The following MTMR7 variants were observed in gnomAD, a reference collection of about 807,000 sequenced individuals.
MTMR7 encodes myotubularin related protein 7.
In MTMR7, 76 loss-of-function variants were observed where a neutral mutation model predicts 81.2. The observed-to-expected ratio is 0.94, with a 90% CI of 0.78 to 1.13. The LOEUF is 1.13. MTMR7 is among the 50% of genes most tolerant of loss of function. MTMR7 has a pLI of 0.00. For synonymous variants in MTMR7, 372 were observed against 289.8 expected, an observed-to-expected ratio of 1.28 and a Z score of -2.88; for missense variants, 1,044 against 820.0, an observed-to-expected ratio of 1.27 and a Z score of -3.34.
At chr8:17,386,116 T>C (rs969144584) in intron 1 of MTMR7, among the ~76,000 whole-genome samples, 3 of 152,254 alleles carry the variant, frequency 2.0e-5, no homozygotes, top group African/African-American at 7.2e-5. Context: ...TGGCTCACAC[T>C]TGTAATCCCA....
chr8:17,407,615 C>A (rs1473863658), intron 1 of MTMR7, among the ~76,000 whole-genome samples: 1 of 150,732 alleles, frequency 6.6e-6, no homozygotes, highest in Admixed American at 6.6e-5. Context: ...AAAAGCCCCA[C>A]ATAACCTTCT....
rs377623377 is a variant in MTMR7 at position 17,371,196 on chromosome 8, G to A, written c.151C>T (p.Leu51Phe). The A allele has an allele frequency of 6.2e-7, 1 of 1,613,852 alleles. No individual in the cohort carries two copies. The highest frequency in any genetic ancestry group is 1.7e-5 in the Admixed American group (1 of 60,002). The part of the protein sequence containing the change: ...SPDPRKETWI[L>F]HSQISTIEKQ... ...TCAATGGTGGAAATCTGACTGTGAA[G>A]AATCTAGAACCAAATGTTAATGTGC... The change falls in exon 3 of 14, where the codon CTT (leucine) becomes TTT (phenylalanine). Residue 51 changes from leucine (L) to phenylalanine (F), a missense_variant. Physicochemically the swap from Leu to Phe is conservative, Grantham distance 22. Coordinates refer to ENST00000180173, the MANE Select transcript of MTMR7 (RefSeq NM_004686.5).
chr8:17,378,500 A>G (rs1275484995), intron 1 of MTMR7, among the ~76,000 whole-genome samples: 1 of 152,188 alleles, frequency 6.6e-6, no homozygotes, highest in Non-Finnish European at 1.5e-5. Context: ...ATCTATACAT[A>G]TATGCTGTAC....
At chr8:17,408,167 G>C (rs1341023494) in intron 1 of MTMR7, among the ~76,000 whole-genome samples, 1 of 60,096 alleles carries the variant, frequency 1.7e-5, no homozygotes, top group African/African-American at 3.3e-5. Context: ...GAGGCGGGCG[G>C]ACCACGAGGT....
chr8:17,317,263 C>T (rs888722200), intron 7 of MTMR7, among the ~76,000 whole-genome samples: 2 of 152,172 alleles, frequency 1.3e-5, no homozygotes, highest in African/African-American at 2.4e-5. Context: ...GTGCCGTGTG[C>T]ATGGGCAGGC....
At chr8:17,389,804 A>G (rs1467795803) in intron 1 of MTMR7, among the ~76,000 whole-genome samples, 3 of 152,212 alleles carry the variant, frequency 2.0e-5, no homozygotes, top group African/African-American at 7.2e-5. Context: ...AAGTAGGGCC[A>G]TATAACTAAA....
At chr8:17,351,618 A>G (rs1819730657) in intron 4 of MTMR7, among the ~76,000 whole-genome samples, 1 of 152,248 alleles carries the variant, frequency 6.6e-6, no homozygotes. Flanking sequence ...CCAGGCTTGC[A>G]TCAGATGTGG....
At chr8:17,345,190 C>T (rs1350800828) in intron 5 of MTMR7, among the ~76,000 whole-genome samples, 1 of 152,190 alleles carries the variant, frequency 6.6e-6, no homozygotes, top group Non-Finnish European at 1.5e-5. Context: ...CTGGTAAAAC[C>T]GAGAGGGCCT....
Position 17,371,115 on chromosome 8 carries a change from G to A in MTMR7, c.232C>T (p.Gln78Ter). Residue 78 changes from glutamine to a stop codon, truncating the protein, a stop_gained, in exon 3 of 14, where the codon CAG becomes TAG. Transcript: ENST00000180173. LOFTEE classifies it high-confidence loss of function. ...TGAGGTATGATGAGCTGTATTATCT[G>A]AAAGTTCTTGCAGCGAATCAGCAGA... ...CPLLIRCKNF[Q>*]IIQLIIPQER... 3.1e-6 allele frequency: 5 copies of A among 1,614,222 alleles called. No homozygotes were observed. Among genetic ancestry groups the A allele is most frequent in the Non-Finnish European group, 3.4e-6 (4 of 1,180,040 alleles).
chr8:17,308,176 A>G (rs1033003591), intron 10 of MTMR7, among the ~76,000 whole-genome samples: 1 of 146,610 alleles, frequency 6.8e-6, no homozygotes, highest in East Asian at 2.0e-4. Context: ...ACTGCAAATC[A>G]AAAAAAAAAG....
chr8:17,412,139 A>G (rs1420568227), intron 1 of MTMR7, among the ~76,000 whole-genome samples: 1 of 152,266 alleles, frequency 6.6e-6, no homozygotes, highest in Non-Finnish European at 1.5e-5. Context: ...CGGAACTGAC[A>G]TTCTCCAGCA....
chr8:17,390,740 C>T (rs940582871), intron 1 of MTMR7, among the ~76,000 whole-genome samples: 2 of 152,150 alleles, frequency 1.3e-5, no homozygotes, highest in African/African-American at 4.8e-5. Flanking sequence ...TCGTTCTTCA[C>T]AAGGGAGCAG....
At chr8:17,352,775 A>T (rs1421354264) in intron 4 of MTMR7, among the ~76,000 whole-genome samples, 1 of 152,168 alleles carries the variant, frequency 6.6e-6, no homozygotes, top group East Asian at 1.9e-4. Flanking sequence ...TTACAAAATG[A>T]AAGAATGAAA....
intron 3 of MTMR7, among the ~76,000 whole-genome samples, chr8:17,364,285 G>A (rs1033411485): frequency 1.3e-5 from 2 of 151,826 alleles, no homozygotes; most frequent in African/African-American, 4.8e-5. Flanking sequence ...TGCCCGCCTC[G>A]GCTTCCCAAA....
rs1165697231 is a variant in MTMR7, at chr8:17,297,297, T to TAAAC, written c.*2561_*2564dup. 2.6e-5 allele frequency: 4 copies of TAAAC among 152,058 alleles called. No individual in the cohort carries two copies. Among genetic ancestry groups the TAAAC allele is most frequent in the East Asian group, 1.9e-4 (1 of 5,192 alleles). The allele number at this position is 152,058 out of a possible 1,614,324, so 9.4% of individuals were successfully genotyped here. A position where few individuals can be genotyped will look rare whatever the true frequency, so the allele number is the denominator to read the frequency against. ...ATCAATCAATCAGTGAGATATAAAC[T>TAAAC]AAACAGACCCACTTCAAAGTTGAAA... is the stretch of plus-strand genomic sequence containing the variant. On this transcript the variant is annotated 3_prime_UTR_variant, in exon 14 of 14. Transcript: ENST00000180173.
Position 17,396,237 on chromosome 8 carries a change from C to G in MTMR7, c.24+17032G>C, listed in dbSNP as rs144565216. ...AACACCAAGTTTTAACAACTACACA[C>G]AAAAAAGCACCATCATAAGAACCAA... On this transcript the variant is annotated intron_variant, in intron 1 of 13. Transcript: ENST00000180173. Among the ~76,000 whole-genome samples the G allele has an allele frequency of 5.8e-4, 88 of 152,042 alleles. 1 individual carries two copies. The East Asian group carries it at 0.016, about 27-fold the overall frequency.
At chr8:17,364,010 G>C (rs1820138925) in intron 3 of MTMR7, among the ~76,000 whole-genome samples, 1 of 131,678 alleles carries the variant, frequency 7.6e-6, no homozygotes, top group South Asian at 2.4e-4. Context: ...GGGGTAAAAA[G>C]TGTTGCTATT....
chr8:17,377,097 C>T (rs1470102017), intron 1 of MTMR7, among the ~76,000 whole-genome samples: 1 of 151,814 alleles, frequency 6.6e-6, no homozygotes, highest in African/African-American at 2.4e-5. Flanking sequence ...ACCTCCATGC[C>T]CTAGCCTATT....
At chr8:17,347,950 A>T (rs1190529970) in intron 5 of MTMR7, among the ~76,000 whole-genome samples, 1 of 152,172 alleles carries the variant, frequency 6.6e-6, no homozygotes, top group East Asian at 1.9e-4. Context: ...GACCTCTTGC[A>T]CCAGGCAGGC....
Sources: allele counts gnomAD v4.1 joint callset (sites outside exome capture counted in the v4.1 genomes callset), GRCh38; gene constraint gnomAD v4.1.1; transcripts MANE v1.5; gene names NCBI Gene and HGNC (gene_info 2026-07-23, HGNC 2026-07-21).